The following FLCN variants were observed in gnomAD, a reference collection of about 807,000 sequenced individuals.
FLCN encodes the protein BHD skin lesion fibrofolliculoma protein.
FLCN carries 22 observed loss-of-function variants against 62.5 expected under a neutral mutation model. The observed-to-expected ratio is 0.35, with a 90% CI of 0.25 to 0.50. The LOEUF is 0.50. FLCN is among the 20% of genes least tolerant of loss of function. The pLI is 0.97. For missense variants in FLCN, 657 were observed against 778.0 expected (o/e 0.84, Z 1.85); for synonymous variants, 319 against 310.0 (o/e 1.03, Z -0.30).
intron 8 of FLCN, 108 bp from the exon 9 acceptor site, chr17:17,219,317 G>A (rs1166306846): frequency 1.9e-5 from 23 of 1,213,618 alleles, no homozygotes; most frequent in African/African-American, 6.0e-5. Context: ...TCCTGGCTGC[G>A]GCCAGGTCCT....
rs2047186734 is a variant in FLCN, at chr17:17,224,283, T to C, written c.397-140A>G. On this transcript the variant is annotated intron_variant, in intron 5 of 13. Transcript: ENST00000285071. Reference sequence around the variant, plus strand: ...GGGGAGAGTGGCACAGTGGGGGCCATGAGAGCCGAAGACTGTACTCTTCTG... The same window carrying C: ...GGGGAGAGTGGCACAGTGGGGGCCACGAGAGCCGAAGACTGTACTCTTCTG... The C allele has an allele frequency of 5.2e-6, 4 of 770,020 alleles. No individual in the cohort carries two copies. The South Asian group carries it at 6.1e-5, about 12-fold the overall frequency. 47.7% of individuals were successfully genotyped at this position (770,020 alleles called of 1,614,324 possible).
At position 17,219,223 on chromosome 17, in the gene FLCN, G is replaced by A. The variant is rs1163032291; in HGVS notation, c.872-14C>T. On this transcript the variant is annotated splice_polypyrimidine_tract_variant and intron_variant, in intron 8 of 13. Transcript: ENST00000285071. Reference sequence around the variant, plus strand: ...CCTCTTCTAAATCTGCAAGACAGATGACAAGGACAGTTACAGATACAAACA... The same window carrying A: ...CCTCTTCTAAATCTGCAAGACAGATAACAAGGACAGTTACAGATACAAACA... 3.7e-6 allele frequency: 6 copies of A among 1,612,890 alleles called. No individual in the cohort carries two copies. The African/African-American group carries it at 6.7e-5, about 18-fold the overall frequency.
intron 3 of FLCN, among the ~76,000 whole-genome samples, chr17:17,230,852 T>TGC (rs2047399653): frequency 1.3e-5 from 2 of 151,696 alleles, no homozygotes; most frequent in Non-Finnish European, 2.9e-5. Context: ...GAGATCGTAC[T>TGC]ACTACATTCC....
chr17:17,217,541 A>C, intron 9 of FLCN: 1 of 359,846 alleles, frequency 2.8e-6, no homozygotes. Flanking sequence ...TCGACATGGC[A>C]GCACCCAGGA....
chr17:17,221,743 A>G lies in FLCN; in HGVS notation c.780-115T>C, dbSNP rs2047097680. 4 of 1,129,740 alleles carry G rather than the reference A, an allele frequency of 3.5e-6. No individual in the cohort carries two copies. The Admixed American group carries it at 6.0e-5, about 17-fold the overall frequency. 70.0% of individuals were successfully genotyped at this position (1,129,740 alleles called of 1,614,324 possible). A position where few individuals can be genotyped will look rare whatever the true frequency, so the allele number is the denominator to read the frequency against. On this transcript the variant is annotated intron_variant, in intron 7 of 13. Transcript: ENST00000285071. ...GAAAAAATGGGTATAAAAGAACACC[A>G]GCAGGGCACAACCAGCCAGATCCCG...
At chr17:17,232,308 C>G (rs1368280265) in intron 2 of FLCN, among the ~76,000 whole-genome samples, 1 of 152,232 alleles carries the variant, frequency 6.6e-6, no homozygotes, top group Non-Finnish European at 1.5e-5. Flanking sequence ...TGAGTCGTAG[C>G]GCTCCTCATC....
Position 17,226,172 on chromosome 17 carries a change from T to C in FLCN, c.396+4A>G, listed in dbSNP as rs370353839. On this transcript the variant is annotated splice_donor_region_variant and intron_variant, in intron 5 of 13. Transcript: ENST00000285071. Reference sequence around the variant, plus strand: ...GAGACAGGCTCTGTGGCCACAAGGCTCACCTCACAGCTCAGGCTCCGGACA... The same window carrying C: ...GAGACAGGCTCTGTGGCCACAAGGCCCACCTCACAGCTCAGGCTCCGGACA... The C allele has an allele frequency of 2.3e-4, 365 of 1,613,366 alleles. No homozygotes were observed. Among genetic ancestry groups the C allele is most frequent in the Non-Finnish European group, 3.0e-4 (358 of 1,179,922 alleles).
In FLCN at chr17:17,229,894, G is replaced by A. The variant is rs544268443; in HGVS notation, c.-24-1733C>T. On this transcript the variant is annotated intron_variant, in intron 3 of 13. Transcript: ENST00000285071. ...GCCACAGTACAGCTGCGATGCCGGC[G>A]GAACCATGTGAAGGCCAGGGGCAGC... Among the ~76,000 whole-genome samples the A allele has an allele frequency of 3.9e-5, 6 of 152,288 alleles. No homozygotes were observed. The South Asian group carries it at 6.2e-4, about 16-fold the overall frequency.
intron 1 of FLCN, among the ~76,000 whole-genome samples, chr17:17,235,171 T>C (rs928717692): frequency 6.8e-6 from 1 of 147,000 alleles, no homozygotes; most frequent in African/African-American, 2.5e-5. Flanking sequence ...TCCCAGCTAC[T>C]GGGGAATCTG....
chr17:17,232,718 C>T (rs985532002), intron 2 of FLCN, 70 bp downstream of exon 2: 1 of 152,508 alleles, frequency 6.6e-6, no homozygotes, highest in Non-Finnish European at 1.5e-5. Flanking sequence ...AAGGTTCCTT[C>T]TAGCAAGACA....
intron 4 of FLCN, among the ~76,000 whole-genome samples, chr17:17,227,669 C>A (rs2047292477): frequency 6.6e-6 from 1 of 152,164 alleles, no homozygotes; most frequent in African/African-American, 2.4e-5. Context: ...CATGATCACA[C>A]CATGGCACTC....
rs115948190 is a variant in FLCN at position 17,229,652 on chromosome 17, C to T, written c.-24-1491G>A. Reference sequence around the variant, plus strand: ...GCACGCCGAACAGTGGTTCAAATGGCGCATTTTAGGTCATGTATTATTTCA... The same window carrying T: ...GCACGCCGAACAGTGGTTCAAATGGTGCATTTTAGGTCATGTATTATTTCA... On this transcript the variant is annotated intron_variant, in intron 3 of 13. Transcript: ENST00000285071. Among the ~76,000 whole-genome samples, 949 of 152,300 alleles carry T rather than the reference C, an allele frequency of 6.2e-3. 10 individuals are homozygous for T. The highest frequency in any genetic ancestry group is 0.021 in the African/African-American group (890 of 41,560).
In FLCN at chr17:17,212,381, G is replaced by C. The variant is rs1169623306; in HGVS notation, c.*1274C>G. 1.1e-5 allele frequency: 2 copies of C among 176,208 alleles called. No homozygotes were observed. The highest frequency in any genetic ancestry group is 9.6e-5 in the East Asian group (1 of 10,422). 10.9% of individuals were successfully genotyped at this position (176,208 alleles called of 1,614,324 possible). On this transcript the variant is annotated 3_prime_UTR_variant, in exon 14 of 14. Transcript: ENST00000285071. ...TGAATCCTTATTAAAAATGTATAGT[G>C]GGGGGTACCTGTAGCTGTATGTTGA...
rs761328357 is a variant in FLCN, at chr17:17,216,729, T to C, written c.1177-226A>G. Among the ~76,000 whole-genome samples, 2 of 152,168 alleles carry C rather than the reference T, an allele frequency of 1.3e-5. No individual in the cohort carries two copies. Among genetic ancestry groups the C allele is most frequent in the Non-Finnish European group, 2.9e-5 (2 of 68,022 alleles). The stretch of plus-strand genomic sequence containing the variant: ...GGACCGCCAGTCACACACCAGCTTG[T>C]ACCGCCCCTCGCTCTGTGGTGTTAA... On this transcript the variant is annotated intron_variant, in intron 10 of 13. Coordinates refer to ENST00000285071, the MANE Select transcript of FLCN (RefSeq NM_144997.7). This position sits in a 1 kb window ranked among gnomAD's most constrained non-coding sequence, Gnocchi z 4.0.
chr17:17,217,466 G>A (rs1372420852), intron 9 of FLCN: 1 of 483,610 alleles, frequency 2.1e-6, no homozygotes, highest in East Asian at 4.0e-5. Flanking sequence ...TTAACTTTGT[G>A]CAATATTCAC....
chr17:17,230,824 T>C (rs1597625350), intron 3 of FLCN, among the ~76,000 whole-genome samples: 2 of 139,804 alleles, frequency 1.4e-5, no homozygotes, highest in Admixed American at 7.2e-5. Context: ...ACCTGGGAGG[T>C]GGAGGTTGCA....
Position 17,215,095 on chromosome 17 carries a change from G to A in FLCN, c.1433-5C>T, listed in dbSNP as rs781046590. On this transcript the variant is annotated splice_polypyrimidine_tract_variant and splice_region_variant and intron_variant, in intron 12 of 13. Transcript: ENST00000285071. ...TATTCAGGATGGTGGGGCCCACTGG[G>A]GAGAAGGGCAGGGGCAGAGCAAGGG... 1.2e-6 allele frequency: 2 copies of A among 1,614,096 alleles called. No individual in the cohort carries two copies. Among genetic ancestry groups the A allele is most frequent in the Non-Finnish European group, 1.7e-6 (2 of 1,179,996 alleles).
rs1206559440 is a variant in FLCN at position 17,215,065 on chromosome 17, A to C, written c.1458T>G (p.Ile486Met). The part of the protein sequence containing the change: ...DRVGPTILNK[I>M]EAALTNQNLS... ...GGTTCTGGTTGGTCAGAGCCGCTTC[A>C]ATCTTATTCAGGATGGTGGGGCCCA... The change falls in exon 13 of 14, where the codon ATT becomes ATG. Residue 486 changes from isoleucine to methionine, a missense_variant. Transcript: ENST00000285071. The C allele has an allele frequency of 4.3e-6, 7 of 1,614,144 alleles. No homozygotes were observed. Among genetic ancestry groups the C allele is most frequent in the Non-Finnish European group, 5.1e-6 (6 of 1,180,022 alleles).
chr17:17,217,421 C>T (rs1381922943), intron 9 of FLCN: 3 of 574,390 alleles, frequency 5.2e-6, no homozygotes, highest in Non-Finnish European at 9.3e-6. Context: ...ATCTTTCTCC[C>T]AGTTTTGTTT....
Sources: allele counts gnomAD v4.1 joint callset (sites outside exome capture counted in the v4.1 genomes callset), GRCh38; gene constraint gnomAD v4.1.1; non-coding constraint Gnocchi (gnomAD v3.1); transcripts MANE v1.5; gene names NCBI Gene and HGNC (gene_info 2026-07-23, HGNC 2026-07-21).